The following ZNF704 variants were observed in gnomAD, a reference collection of about 807,000 sequenced individuals.
ZNF704 encodes zinc finger protein 704, also known as glucocorticoid induced gene 1.
ZNF704 carries 10 observed loss-of-function variants against 44.7 expected under a neutral mutation model. The observed-to-expected ratio is 0.22, with a 90% CI of 0.14 to 0.38. ZNF704 has a LOEUF of 0.38. ZNF704 is among the 10% of genes least tolerant of loss of function. The probability of loss-of-function intolerance (pLI) is 1.00; values close to 1 mark genes in which losing one functional copy is unlikely to be tolerated. For synonymous variants in ZNF704, 211 were observed against 207.6 expected (o/e 1.02, Z -0.14); for missense variants, 390 against 545.5 (o/e 0.71, Z 2.84).
Position 80,645,912 on chromosome 8 carries a change from T to C in ZNF704, c.1033-2783A>G, listed in dbSNP as rs534527705. On this transcript the variant is annotated intron_variant, in intron 7 of 8. Transcript: ENST00000327835. ...TGTTGAAACTTACTTGCCATTGTAA[T>C]AGTATTAAGAGGTGGGGCCCTTAAG... 1.1e-4 allele frequency among the ~76,000 whole-genome samples: 17 copies of C among 152,152 alleles called. No homozygotes were observed. The South Asian group carries it at 2.3e-3, about 20-fold the overall frequency.
chr8:80,771,247 T>C (rs1281749837), intron 2 of ZNF704, among the ~76,000 whole-genome samples: 1 of 152,176 alleles, frequency 6.6e-6, no homozygotes, highest in East Asian at 1.9e-4. Context: ...AAATATCTTG[T>C]TAGAATTTTG....
intron 2 of ZNF704, among the ~76,000 whole-genome samples, chr8:80,767,324 T>C (rs898291710): frequency 6.6e-6 from 1 of 151,836 alleles, no homozygotes; most frequent in Admixed American, 6.6e-5. Context: ...CATTCTCAAT[T>C]CTAAGGACAC....
In ZNF704 at chr8:80,772,818, T is replaced by C. The variant is rs146989496; in HGVS notation, c.221+48556A>G. On this transcript the variant is annotated intron_variant, in intron 2 of 8. Transcript: ENST00000327835. The stretch of plus-strand genomic sequence containing the variant: ...CTTTGTGTTTATTTTGCTTTTCTTT[T>C]ATTGTATTTATTTTACTTTGGGTTC... Among the ~76,000 whole-genome samples the C allele has an allele frequency of 4.5e-3, 684 of 152,318 alleles. 7 individuals are homozygous for C. Among genetic ancestry groups the C allele is most frequent in the African/African-American group, 0.016 (654 of 41,570 alleles).
chr8:80,708,713 T>G (rs1203472811), intron 2 of ZNF704, among the ~76,000 whole-genome samples: 1 of 152,264 alleles, frequency 6.6e-6, no homozygotes, highest in East Asian at 1.9e-4. Flanking sequence ...GCATGTTGAT[T>G]CAACTATGTT....
chr8:80,850,411 T>C (rs999462663), intron 1 of ZNF704, among the ~76,000 whole-genome samples: 2 of 152,104 alleles, frequency 1.3e-5, no homozygotes, highest in African/African-American at 2.4e-5. Context: ...CAAAAAAACT[T>C]CCATATAAAA....
chr8:80,823,961 A>G (rs950910816), intron 1 of ZNF704, among the ~76,000 whole-genome samples: 3 of 152,164 alleles, frequency 2.0e-5, no homozygotes, highest in Admixed American at 1.3e-4. Flanking sequence ...AAAAACCACA[A>G]AGGTGGGGAG....
At chr8:80,779,257 A>G (rs1586021295) in intron 2 of ZNF704, among the ~76,000 whole-genome samples, 1 of 151,822 alleles carries the variant, frequency 6.6e-6, no homozygotes, top group African/African-American at 2.4e-5. Context: ...GATGTGTCTT[A>G]TCTTCATTTG....
chr8:80,693,488 A>G (rs1818674496), intron 2 of ZNF704, among the ~76,000 whole-genome samples: 2 of 152,194 alleles, frequency 1.3e-5, no homozygotes, highest in South Asian at 2.1e-4. Context: ...GCTAGGAGGA[A>G]CAAAGTCATT....
chr8:80,841,944 C>A (rs1808687635), intron 1 of ZNF704, among the ~76,000 whole-genome samples: 1 of 152,116 alleles, frequency 6.6e-6, no homozygotes. Flanking sequence ...CATGCCACCA[C>A]TCCTTGTTTA....
intron 1 of ZNF704, among the ~76,000 whole-genome samples, chr8:80,873,058 GGAA>G (rs1809281405): frequency 6.6e-6 from 1 of 152,290 alleles, no homozygotes; most frequent in East Asian, 1.9e-4. Flanking sequence ...GTTCTTGGTT[GGAA>G]GAAGGGGCTG....
At chr8:80,811,560 A>G (rs1046909048) in intron 2 of ZNF704, among the ~76,000 whole-genome samples, 1 of 152,194 alleles carries the variant, frequency 6.6e-6, no homozygotes, top group African/African-American at 2.4e-5. Flanking sequence ...TTCCATGCCA[A>G]TTTATAACCC....
chr8:80,729,996 C>T (rs1234439657), intron 2 of ZNF704, among the ~76,000 whole-genome samples: 5 of 152,214 alleles, frequency 3.3e-5, no homozygotes, highest in African/African-American at 9.6e-5. Context: ...ATGCCCCATT[C>T]GAACACCTAC....
At chr8:80,713,211 G>C (rs1054519273) in intron 2 of ZNF704, among the ~76,000 whole-genome samples, 7 of 152,116 alleles carry the variant, frequency 4.6e-5, no homozygotes, top group African/African-American at 1.4e-4. Flanking sequence ...TGTCACCCTT[G>C]TTCACAATCA....
At chr8:80,826,329 A>T (rs1370528178) in intron 1 of ZNF704, among the ~76,000 whole-genome samples, 1 of 152,246 alleles carries the variant, frequency 6.6e-6, no homozygotes, top group Admixed American at 6.5e-5. Flanking sequence ...AAAATCTAGA[A>T]GAAATGGATA....
intron 2 of ZNF704, among the ~76,000 whole-genome samples, chr8:80,789,475 G>A (rs1424642822): frequency 6.6e-6 from 1 of 152,162 alleles, no homozygotes; most frequent in Non-Finnish European, 1.5e-5. Context: ...GGCTGGGTGT[G>A]GTGGCTCATG....
intron 2 of ZNF704, among the ~76,000 whole-genome samples, chr8:80,807,240 T>G (rs1808004308): frequency 6.6e-6 from 1 of 152,066 alleles, no homozygotes; most frequent in East Asian, 1.9e-4. Context: ...TCCTTACTGG[T>G]CTCTTGCTTG....
chr8:80,716,080 GA>G (rs113360555), intron 2 of ZNF704, among the ~76,000 whole-genome samples: 9,017 of 127,222 alleles, frequency 0.071, 795 homozygotes, highest in African/African-American at 0.22. Context: ...ACTCTGTCTC[GA>G]AAAAAAAAAA....
intron 1 of ZNF704, among the ~76,000 whole-genome samples, chr8:80,848,674 A>G (rs991671329): frequency 1.3e-5 from 2 of 152,086 alleles, no homozygotes; most frequent in African/African-American, 4.8e-5. Context: ...GTGAAACCCC[A>G]TCTTTACAAA....
chr8:80,656,234 C>T (rs2131601938), intron 7 of ZNF704, among the ~76,000 whole-genome samples: 1 of 152,266 alleles, frequency 6.6e-6, no homozygotes, highest in South Asian at 2.1e-4. Context: ...AGTGAGAAGG[C>T]AGCCATCTAC....
Sources: gnomAD v4.1 joint callset for allele counts (sites outside exome capture counted in the v4.1 genomes callset) on GRCh38, gnomAD v4.1.1 for gene constraint, MANE v1.5 for transcripts, NCBI Gene and HGNC (gene_info 2026-07-23, HGNC 2026-07-21) for gene names.